SH3GL2: variants seen among roughly 807,000 people sequenced by gnomAD.
The protein encoded by SH3GL2 is endophilin-A1.
A neutral mutation model predicts 46.0 loss-of-function variants in SH3GL2; 24 were observed. The observed-to-expected ratio is 0.52, with a 90% confidence interval of 0.38 to 0.73. The LOEUF (loss-of-function observed/expected upper bound fraction) is 0.73. Among genes scored for constraint, SH3GL2 ranks in the 30% least tolerant of loss-of-function variants. The probability of loss-of-function intolerance (pLI) is 0.00; values close to 1 mark genes in which losing one functional copy is unlikely to be tolerated. For missense variants in SH3GL2, 413 were observed against 424.2 expected (o/e 0.97, Z 0.23); for synonymous variants, 196 against 147.1 (o/e 1.33, Z -2.40).
chr9:17,611,753 G>C (rs1216464572), intron 1 of SH3GL2, among the ~76,000 whole-genome samples: 3 of 152,182 alleles, frequency 2.0e-5, no homozygotes, highest in Non-Finnish European at 4.4e-5. Context: ...ACCCCGTCAG[G>C]AGGAGATTAG....
At position 17,786,448 on chromosome 9, in the gene SH3GL2, C is replaced by G; in HGVS notation, c.255C>G (p.Gly85=). Residue 85 remains glycine (G), a synonymous_variant, in exon 4 of 9, where the codon GGC becomes GGG. Transcript: ENST00000380607. ...SKIRGQEKGP[G]YPQAEALLAE... ...TCCGTGGCCAGGAGAAGGGGCCAGG[C>G]TATCCTCAGGCAGAGGCGCTGCTGG... is the stretch of plus-strand genomic sequence containing the variant. The G allele has an allele frequency of 6.2e-7, 1 of 1,613,414 alleles. No individual in the cohort carries two copies. Among genetic ancestry groups the G allele is most frequent in the Non-Finnish European group, 8.5e-7 (1 of 1,179,522 alleles).
At chr9:17,715,406 T>G (rs545908579) in intron 1 of SH3GL2, among the ~76,000 whole-genome samples, 52 of 152,038 alleles carry the variant, frequency 3.4e-4, no homozygotes, top group African/African-American at 1.3e-3. Context: ...AAATTTTTTT[T>G]GTCTCTCTCC....
chr9:17,770,544 A>G lies in SH3GL2; in HGVS notation c.187+9035A>G, dbSNP rs114642849. ...GGAACCTGTGACTTGCTGCTAACCAATAAATATGGCAAAGGTAATGGAATC... is the reference window on the plus strand; with the variant it reads ...GGAACCTGTGACTTGCTGCTAACCAGTAAATATGGCAAAGGTAATGGAATC... On this transcript the variant is annotated intron_variant, in intron 3 of 8. Coordinates refer to ENST00000380607, the MANE Select transcript of SH3GL2 (RefSeq NM_003026.5). 8.9e-4 allele frequency among the ~76,000 whole-genome samples: 136 copies of G among 152,304 alleles called. 1 individual carries two copies. Among genetic ancestry groups the G allele is most frequent in the African/African-American group, 3.1e-3 (127 of 41,566 alleles).
chr9:17,579,361 C>G (rs561709210), intron 1 of SH3GL2, 74 bp downstream of exon 1: 1 of 1,081,028 alleles, frequency 9.3e-7, no homozygotes, highest in Non-Finnish European at 1.3e-6. Context: ...CGCTGGCCGT[C>G]CGGCGGCAGC....
At chr9:17,680,280 G>A (rs1410817843) in intron 1 of SH3GL2, among the ~76,000 whole-genome samples, 1 of 152,116 alleles carries the variant, frequency 6.6e-6, no homozygotes, top group African/African-American at 2.4e-5. Context: ...TGGTTGGCAA[G>A]CTATTAATTA....
At chr9:17,699,968 A>T (rs185388145) in intron 1 of SH3GL2, among the ~76,000 whole-genome samples, 33 of 152,268 alleles carry the variant, frequency 2.2e-4, no homozygotes, top group Non-Finnish European at 3.7e-4. Context: ...GCAAGTTTGC[A>T]TTCTGGAATA....
At chr9:17,741,549 G>T (rs1202863875) in intron 1 of SH3GL2, among the ~76,000 whole-genome samples, 2 of 152,140 alleles carry the variant, frequency 1.3e-5, no homozygotes, top group Non-Finnish European at 2.9e-5. Flanking sequence ...TAGAGTAAAA[G>T]ATATACTTTG....
At chr9:17,589,550 G>A (rs1461149628) in intron 1 of SH3GL2, 1 of 152,190 alleles carries the variant, frequency 6.6e-6, no homozygotes, top group Non-Finnish European at 1.5e-5. Flanking sequence ...GGAATAGAGA[G>A]ACTACAGATC....
chr9:17,648,015 C>T (rs994808757), intron 1 of SH3GL2, among the ~76,000 whole-genome samples: 2 of 152,074 alleles, frequency 1.3e-5, no homozygotes, highest in African/African-American at 2.4e-5. Flanking sequence ...TATATATTCT[C>T]TTCCTTGTGA....
intron 1 of SH3GL2, among the ~76,000 whole-genome samples, chr9:17,725,027 G>A (rs1009557979): frequency 6.6e-6 from 1 of 151,986 alleles, no homozygotes; most frequent in Admixed American, 6.6e-5. Flanking sequence ...AGAGGGTGCA[G>A]CATGGACATC....
intron 1 of SH3GL2, among the ~76,000 whole-genome samples, chr9:17,648,784 A>C (rs1420809608): frequency 2.0e-5 from 3 of 152,196 alleles, no homozygotes; most frequent in Non-Finnish European, 4.4e-5. Flanking sequence ...TTCCTATGAT[A>C]ATGTTTGGTT....
At chr9:17,683,278 C>A (rs1457132050) in intron 1 of SH3GL2, among the ~76,000 whole-genome samples, 1 of 152,036 alleles carries the variant, frequency 6.6e-6, no homozygotes, top group African/African-American at 2.4e-5. Flanking sequence ...TCATGGGGAA[C>A]ACTGGGGGCA....
At chr9:17,615,658 CAAAAAAAAAAAAA>C (rs55926751) in intron 1 of SH3GL2, among the ~76,000 whole-genome samples, 3 of 82,646 alleles carry the variant, frequency 3.6e-5, no homozygotes, top group Non-Finnish European at 6.8e-5. Flanking sequence ...GACTCCGTCT[CAAAAAAAAAAAAA>C]AAAAAAAAAA....
At chr9:17,612,853 T>C (rs144473425) in intron 1 of SH3GL2, among the ~76,000 whole-genome samples, 1 of 152,334 alleles carries the variant, frequency 6.6e-6, no homozygotes, top group African/African-American at 2.4e-5. Context: ...CTACCTTGCT[T>C]CCGAGAAGCC....
intron 1 of SH3GL2, chr9:17,653,917 A>T (rs1163179872): frequency 2.2e-6 from 2 of 905,190 alleles, no homozygotes; most frequent in Non-Finnish European, 2.6e-6. Flanking sequence ...GGTAGAAAAC[A>T]TCACATCTGT....
chr9:17,727,856 T>A (rs1182432061), intron 1 of SH3GL2, among the ~76,000 whole-genome samples: 1 of 151,996 alleles, frequency 6.6e-6, no homozygotes, highest in Non-Finnish European at 1.5e-5. Flanking sequence ...GCTCCTTCCC[T>A]CTGTTTGCTG....
chr9:17,740,665 T>C (rs1286321600), intron 1 of SH3GL2, among the ~76,000 whole-genome samples: 3 of 152,150 alleles, frequency 2.0e-5, no homozygotes, highest in Non-Finnish European at 4.4e-5. Context: ...CATTAAGTAA[T>C]GTTGTTCTTT....
intron 6 of SH3GL2, among the ~76,000 whole-genome samples, chr9:17,790,745 TGAGGCTCA>T (rs1484366238): frequency 4.6e-5 from 7 of 152,192 alleles, no homozygotes; most frequent in Non-Finnish European, 1.5e-5. Flanking sequence ...ACATTACAGA[TGAGGCTCA>T]GAGAGCACAG....
chr9:17,679,797 T>C (rs1027084961), intron 1 of SH3GL2, among the ~76,000 whole-genome samples: 3 of 152,156 alleles, frequency 2.0e-5, no homozygotes, highest in Non-Finnish European at 2.9e-5. Flanking sequence ...TTTTGAGATA[T>C]GTCCCATCAA....
Sources: allele counts gnomAD v4.1 joint callset (sites outside exome capture counted in the v4.1 genomes callset), GRCh38; gene constraint gnomAD v4.1.1; transcripts MANE v1.5; gene names NCBI Gene and HGNC (gene_info 2026-07-23, HGNC 2026-07-21).